Variants in CNNM1 observed in about 807,000 individuals in gnomAD.
CNNM1 encodes the protein cyclin and CBS domain divalent metal cation transport mediator 1.
Under a neutral mutation model 78.8 loss-of-function variants are expected in CNNM1, and 44 were observed. The observed-to-expected ratio is 0.56, with a 90% CI of 0.44 to 0.72. The LOEUF is 0.72. CNNM1 is among the 30% of genes least tolerant of loss of function. CNNM1 has a pLI of 0.00. For missense variants in CNNM1, 1,101 were observed against 1,292.2 expected (o/e 0.85, Z 2.27); for synonymous variants, 584 against 581.5 (o/e 1.00, Z -0.06).
chr10:99,341,580 G>A (rs1465561840), intron 1 of CNNM1, among the ~76,000 whole-genome samples: 1 of 152,178 alleles, frequency 6.6e-6, no homozygotes, highest in Non-Finnish European at 1.5e-5. Context: ...TTCTGAGAAA[G>A]TGGAATTTCA....
At chr10:99,388,331 C>A in intron 9 of CNNM1, 30 bp downstream of exon 9, 1 of 1,604,490 alleles carries the variant, frequency 6.2e-7, no homozygotes. Context: ...CCCAGTGCAG[C>A]AAGGGAGATC....
intron 1 of CNNM1, among the ~76,000 whole-genome samples, chr10:99,356,562 C>CAGACAGACAGAAAGAAAGAAAAGAA: frequency 2.0e-5 from 2 of 98,444 alleles, no homozygotes; most frequent in Non-Finnish European, 4.2e-5. Context: ...GACAGACAGA[C>CAGACAGACAGAAAGAAAGAAAAGAA]AGAAAGAAAG....
intron 4 of CNNM1, among the ~76,000 whole-genome samples, chr10:99,363,724 C>G (rs1281141960): frequency 6.7e-6 from 1 of 149,932 alleles, no homozygotes. Context: ...AAGCTTCACA[C>G]AGAATTAGAT....
At chr10:99,356,605 AAAAGAAAGAAAG>A (rs1166218221) in intron 1 of CNNM1, among the ~76,000 whole-genome samples, 1 of 56,320 alleles carries the variant, frequency 1.8e-5, no homozygotes, top group African/African-American at 3.6e-5. Flanking sequence ...AGAAAGAAAG[AAAAGAAAGAAAG>A]AAAGAAAAGA....
chr10:99,341,178 C>T (rs561483079), intron 1 of CNNM1, among the ~76,000 whole-genome samples: 1 of 152,212 alleles, frequency 6.6e-6, no homozygotes, highest in Non-Finnish European at 1.5e-5. Context: ...AGAAGGAGTT[C>T]ATCAGAGGAA....
At chr10:99,367,523 G>T (rs1012846745) in intron 6 of CNNM1, among the ~76,000 whole-genome samples, 2 of 151,958 alleles carry the variant, frequency 1.3e-5, no homozygotes, top group African/African-American at 4.8e-5. Context: ...CTGTCTGTTT[G>T]GTGTATACAA....
chr10:99,355,725 A>G (rs1047869178), intron 1 of CNNM1, among the ~76,000 whole-genome samples: 4 of 152,220 alleles, frequency 2.6e-5, no homozygotes, highest in East Asian at 3.9e-4. Flanking sequence ...CAGGCATGCT[A>G]CTTAACCAAT....
intron 7 of CNNM1, among the ~76,000 whole-genome samples, chr10:99,385,283 C>T (rs560442670): frequency 6.6e-6 from 1 of 152,314 alleles, no homozygotes; most frequent in South Asian, 2.1e-4. Context: ...CTCTCTTCCT[C>T]CTCTCCTTTC....
intron 1 of CNNM1, among the ~76,000 whole-genome samples, chr10:99,341,992 T>C (rs1477763482): frequency 6.6e-6 from 1 of 152,218 alleles, no homozygotes; most frequent in African/African-American, 2.4e-5. Context: ...CATTTTTTTC[T>C]GTCCTCTGGC....
At chr10:99,363,232 T>C (rs2031497923) in intron 4 of CNNM1, among the ~76,000 whole-genome samples, 1 of 152,222 alleles carries the variant, frequency 6.6e-6, no homozygotes, top group Admixed American at 6.5e-5. Context: ...ACTTCCAGCC[T>C]CTCTGCTCTG....
In CNNM1 at chr10:99,390,275, A is replaced by G. The variant is rs201304176; in HGVS notation, c.2675-31A>G. On this transcript the variant is annotated intron_variant, in intron 9 of 10. Transcript: ENST00000356713. ...TTGATGCCTGAGTGTGTAGGTTGAG[A>G]CAACTTGAGTTCTCTCCTTTCCTTT... 3.3e-6 allele frequency: 5 copies of G among 1,527,128 alleles called. No individual in the cohort carries two copies. In the African/African-American group the frequency reaches 6.8e-5, roughly 21 times the overall value. 94.6% of individuals were successfully genotyped at this position (1,527,128 alleles called of 1,614,324 possible). A position where few individuals can be genotyped will look rare whatever the true frequency, so the allele number is the denominator to read the frequency against.
chr10:99,369,521 C>G (rs1351528048), intron 6 of CNNM1, among the ~76,000 whole-genome samples: 1 of 152,104 alleles, frequency 6.6e-6, no homozygotes, highest in African/African-American at 2.4e-5. Context: ...ATAGTAGACC[C>G]TCAACATTTA....
At chr10:99,358,766 C>A (rs896157321) in intron 2 of CNNM1, among the ~76,000 whole-genome samples, 1 of 152,062 alleles carries the variant, frequency 6.6e-6, no homozygotes, top group African/African-American at 2.4e-5. Context: ...CCTCCCCCAC[C>A]TCTGCCTGCC....
At chr10:99,356,574 A>AAG (rs2031196935) in intron 1 of CNNM1, among the ~76,000 whole-genome samples, 1 of 123,228 alleles carries the variant, frequency 8.1e-6, no homozygotes, top group Non-Finnish European at 1.7e-5. Flanking sequence ...GAAAGAAAGA[A>AAG]AGAAAGAAAG....
intron 7 of CNNM1, among the ~76,000 whole-genome samples, chr10:99,380,024 T>C (rs958940437): frequency 1.9e-3 from 271 of 139,274 alleles, no homozygotes; most frequent in Non-Finnish European, 3.3e-3. Flanking sequence ...ACTCTCTCTT[T>C]TTTTTTTTTT....
At chr10:99,387,712 C>A in intron 7 of CNNM1, 108 bp from the exon 8 acceptor site, 1 of 1,142,452 alleles carries the variant, frequency 8.8e-7, no homozygotes, top group Non-Finnish European at 1.2e-6. Flanking sequence ...CCTCAGAGGC[C>A]GAGGGTTCCA....
intron 6 of CNNM1, among the ~76,000 whole-genome samples, chr10:99,368,843 C>T (rs368003963): frequency 2.0e-4 from 30 of 152,298 alleles, no homozygotes; most frequent in African/African-American, 6.7e-4. Context: ...CACATACCAC[C>T]CAGGCATTGC....
At chr10:99,361,118 A>G in intron 3 of CNNM1, 143 bp downstream of exon 3, 1 of 890,098 alleles carries the variant, frequency 1.1e-6, no homozygotes, top group Non-Finnish European at 1.6e-6. Flanking sequence ...AGGTTGCCTT[A>G]GACAGGGTAA....
chr10:99,390,536 T>G, intron 10 of CNNM1, 129 bp downstream of exon 10: 1 of 686,458 alleles, frequency 1.5e-6, no homozygotes, highest in Non-Finnish European at 2.6e-6. Flanking sequence ...GGTACAATTG[T>G]GGAAATCCGC....
Sources: allele counts gnomAD v4.1 joint callset (sites outside exome capture counted in the v4.1 genomes callset), GRCh38; gene constraint gnomAD v4.1.1; transcripts MANE v1.5; gene names NCBI Gene and HGNC (gene_info 2026-07-23, HGNC 2026-07-21).